The following ABI3BP variants were observed in gnomAD, a reference collection of about 807,000 sequenced individuals.
ABI3BP encodes the protein target of Nesh-SH3.
Under a neutral mutation model 268.6 loss-of-function variants are expected in ABI3BP, and 216 were observed. That is an observed-to-expected ratio of 0.80 (90% CI 0.72 to 0.90). ABI3BP has a LOEUF of 0.90. Ranked by LOEUF, ABI3BP falls within the 40% of genes least tolerant of loss-of-function variation. The probability of loss-of-function intolerance (pLI) is 0.00; values close to 1 mark genes in which losing one functional copy is unlikely to be tolerated. For synonymous variants in ABI3BP, 730 were observed against 730.0 expected (o/e 1.00, Z 0.00); for missense variants, 2,090 against 2,182.4 (o/e 0.96, Z 0.84).
intron 60 of ABI3BP, 32 bp downstream of exon 60, chr3:100,775,175 A>C (rs1577243526): frequency 6.2e-7 from 1 of 1,607,520 alleles, no homozygotes; most frequent in East Asian, 2.2e-5. Flanking sequence ...CTCACAGCTA[A>C]GTATCCAGTG....
At chr3:100,902,764 A>AGGGAATGCTGAATCAGG in intron 2 of ABI3BP, 78 bp from the exon 3 acceptor site, 1 of 1,212,332 alleles carries the variant, frequency 8.2e-7, no homozygotes, top group South Asian at 1.3e-5. Context: ...ACCCTGATTC[A>AGGGAATGCTGAATCAGG]GCATTCCCTG....
At chr3:100,775,398 T>C (rs745850210) in intron 59 of ABI3BP, 63 bp from the exon 60 acceptor site, 140 of 1,545,592 alleles carry the variant, frequency 9.1e-5, no homozygotes, top group Non-Finnish European at 1.2e-4. Context: ...CTATAAACAT[T>C]TATTTATTCC....
At position 100,750,300 on chromosome 3, in the gene ABI3BP, C is replaced by T. The variant is rs1346643720; in HGVS notation, c.*195G>A. The T allele has an allele frequency of 6.5e-6, 3 of 463,570 alleles. No homozygotes were observed. Among genetic ancestry groups the T allele is most frequent in the Non-Finnish European group, 1.1e-5 (3 of 264,876 alleles). The allele number at this position is 463,570 out of a possible 1,614,324, so 28.7% of individuals were successfully genotyped here. ...TTATTCTGTTAACATCAGTATCTTG[C>T]TTTCTTAAAATGACTTTGTAAAACC... On this transcript the variant is annotated 3_prime_UTR_variant, in exon 68 of 68. Transcript: ENST00000471714.
chr3:100,852,028 T>C lies in ABI3BP; in HGVS notation c.1286-88A>G, dbSNP rs978287111. On this transcript the variant is annotated intron_variant, in intron 14 of 67. Coordinates refer to ENST00000471714, the MANE Select transcript of ABI3BP (RefSeq NM_001375547.2). ...AGAAAGATTACATGACATGTTGTAA[T>C]GCTGGTTGAAGGACAGTTTTATGTA... 10 of 1,231,892 alleles carry C rather than the reference T, an allele frequency of 8.1e-6. 1 individual carries two copies. In the South Asian group the frequency reaches 1.2e-4, roughly 14 times the overall value. 76.3% of individuals were successfully genotyped at this position (1,231,892 alleles called of 1,614,324 possible). A position where few individuals can be genotyped will look rare whatever the true frequency, so the allele number is the denominator to read the frequency against.
intron 63 of ABI3BP, among the ~76,000 whole-genome samples, chr3:100,761,214 G>T (rs1234250453): frequency 3.3e-5 from 5 of 152,162 alleles, no homozygotes; most frequent in Non-Finnish European, 7.4e-5. Flanking sequence ...GATTGAGCTG[G>T]ATACCAATAT....
At chr3:100,938,623 C>T (rs985394450) in intron 1 of ABI3BP, among the ~76,000 whole-genome samples, 6 of 152,076 alleles carry the variant, frequency 3.9e-5, no homozygotes, top group African/African-American at 1.4e-4. Context: ...CAAAGACAAG[C>T]TGAAAGTCAG....
chr3:100,838,634 TAG>T (rs2098643032), intron 24 of ABI3BP, among the ~76,000 whole-genome samples, 170 bp from the exon 25 acceptor site: 1 of 152,176 alleles, frequency 6.6e-6, no homozygotes, highest in South Asian at 2.1e-4. Flanking sequence ...CTAGCATAAT[TAG>T]TTTTTCCAGA....
intron 17 of ABI3BP, 122 bp from the exon 18 acceptor site, chr3:100,848,997 T>G: frequency 1.3e-6 from 1 of 779,236 alleles, no homozygotes. Context: ...ATCCTTAGAA[T>G]GTCCAGTATA....
chr3:100,816,791 A>T (rs1294746378), intron 42 of ABI3BP, 23 bp from the exon 43 acceptor site: 5 of 1,530,720 alleles, frequency 3.3e-6, no homozygotes, highest in Non-Finnish European at 4.4e-6. Context: ...ACTTTGGATT[A>T]CTCTAGTGCA....
At chr3:100,913,438 C>T (rs1202958787) in intron 2 of ABI3BP, among the ~76,000 whole-genome samples, 1 of 152,136 alleles carries the variant, frequency 6.6e-6, no homozygotes, top group African/African-American at 2.4e-5. Context: ...TCTGGACCAA[C>T]TCAAGAACAT....
chr3:100,902,500 C>A, intron 3 of ABI3BP, 118 bp downstream of exon 3: 1 of 842,230 alleles, frequency 1.2e-6, no homozygotes. Context: ...CCAGGGCTGA[C>A]ACCTCCTCTA....
chr3:100,917,686 T>C (rs1406864607), intron 2 of ABI3BP, among the ~76,000 whole-genome samples: 1 of 152,176 alleles, frequency 6.6e-6, no homozygotes, highest in Admixed American at 6.5e-5. Context: ...TTGATCTCAG[T>C]GCATTGTGGG....
chr3:100,874,154 C>T (rs73137239), intron 9 of ABI3BP, among the ~76,000 whole-genome samples: 5,694 of 151,958 alleles, frequency 0.037, 168 homozygotes, highest in Non-Finnish European at 0.058. Flanking sequence ...GGCCCCATAC[C>T]GGACCTACTG....
rs765606376 is a variant in ABI3BP, at chr3:100,926,347, A to G, written c.214T>C (p.Tyr72His). The change falls in exon 2 of 68, where the codon TAC (tyrosine) becomes CAC (histidine). Residue 72 changes from tyrosine to histidine, a missense_variant. Tyr to His is a moderately conservative substitution (Grantham distance 83). Coordinates refer to ENST00000471714, the MANE Select transcript of ABI3BP (RefSeq NM_001375547.2). ...GYGSNVSPNQYFPLPAEGKFT... is the reference protein window; with the variant it reads ...GYGSNVSPNQHFPLPAEGKFT... ...TTCCCTTCAGCGGGAAGAGGGAAGT[A>G]CTGGTTTGGTGATACATTGCTGCCA... The G allele has an allele frequency of 7.9e-5, 128 of 1,613,418 alleles. No homozygotes were observed. In the South Asian group the frequency reaches 1.3e-3, roughly 17 times the overall value.
Position 100,770,765 on chromosome 3 carries a change from C to A in ABI3BP, c.4719G>T (p.Lys1573Asn). ...CPSFVILDWE[K>N]PLNDTVTEYE... is the part of the protein sequence containing the mutation. ...TACCAGTGACAGTGTCATTTAGTGG[C>A]TTTTCCCAGTCCAAGATGACAAATG... Residue 1573 changes from lysine (K) to asparagine (N), a missense_variant, in exon 62 of 68, where the codon AAG becomes AAT. Coordinates refer to ENST00000471714, the MANE Select transcript of ABI3BP (RefSeq NM_001375547.2). 1 of 1,522,152 alleles carries A rather than the reference C, an allele frequency of 6.6e-7. No homozygotes were observed. Among genetic ancestry groups the A allele is most frequent in the Non-Finnish European group, 8.8e-7 (1 of 1,132,472 alleles). The allele number at this position is 1,522,152 out of a possible 1,614,324, so 94.3% of individuals were successfully genotyped here. A position where few individuals can be genotyped will look rare whatever the true frequency, so the allele number is the denominator to read the frequency against.
In ABI3BP at chr3:100,844,200, A is replaced by G. The variant is rs144062781; in HGVS notation, c.1724-2161T>C. The G allele has an allele frequency of 3.0e-4, 293 of 985,472 alleles. 1 individual carries two copies. In the East Asian group the frequency reaches 0.017, roughly 58 times the overall value. The allele number at this position is 985,472 out of a possible 1,614,324, so 61.0% of individuals were successfully genotyped here. ...AGACAAATTTGACTCACATGTGTGT[A>G]GGAATGAGAACAATTTACAATTCTA... On this transcript the variant is annotated intron_variant, in intron 20 of 67. Coordinates refer to ENST00000471714, the MANE Select transcript of ABI3BP (RefSeq NM_001375547.2).
chr3:100,872,390 T>G (rs2099118276), intron 9 of ABI3BP, among the ~76,000 whole-genome samples: 1 of 152,166 alleles, frequency 6.6e-6, no homozygotes, highest in South Asian at 2.1e-4. Context: ...TATGGTAGCA[T>G]GTAGAATTTT....
intron 28 of ABI3BP, 102 bp from the exon 29 acceptor site, chr3:100,834,875 A>C (rs1233699231): frequency 8.9e-7 from 1 of 1,117,848 alleles, no homozygotes; most frequent in African/African-American, 1.6e-5. Context: ...AGTCTTGAGA[A>C]ATTTGTCTCT....
At chr3:100,925,479 C>A (rs1472991568) in intron 2 of ABI3BP, among the ~76,000 whole-genome samples, 1 of 151,950 alleles carries the variant, frequency 6.6e-6, no homozygotes, top group Non-Finnish European at 1.5e-5. Context: ...GTGATGTTAT[C>A]ACGGCTCACT....
Sources: gnomAD v4.1 joint callset for allele counts (sites outside exome capture counted in the v4.1 genomes callset) on GRCh38, gnomAD v4.1.1 for gene constraint, MANE v1.5 for transcripts, NCBI Gene and HGNC (gene_info 2026-07-23, HGNC 2026-07-21) for gene names.